The following SPRY3 variants were observed in gnomAD, a reference collection of about 807,000 sequenced individuals.
SPRY3 encodes sprouty RTK signaling antagonist 3.
SPRY3 carries 15 observed loss-of-function variants against 20.2 expected under a neutral mutation model. That is an observed-to-expected ratio of 0.74 (90% CI 0.50 to 1.14). The LOEUF (loss-of-function observed/expected upper bound fraction) is 1.14. SPRY3 is among the 50% of genes most tolerant of loss of function. The pLI is 0.00. For missense variants in SPRY3, 364 were observed against 363.9 expected (o/e 1.00, Z 0.00); for synonymous variants, 143 against 136.5 (o/e 1.05, Z -0.33).
chrX:155,757,028 T>C (rs2091286077), intron 2 of SPRY3, among the ~76,000 whole-genome samples: 1 of 152,172 alleles, frequency 6.6e-6, no homozygotes, highest in South Asian at 2.1e-4. Flanking sequence ...GAATATATAC[T>C]CTACAGGGCA....
rs5940409 is a variant in SPRY3, at chrX:155,754,740, T to C, written c.-281-13222T>C. ...TCTACGAATATGGAGTGTCTTTCCATTTATATAGGTCTGCTTTAACTTCTT... is the reference window on the plus strand; with the variant it reads ...TCTACGAATATGGAGTGTCTTTCCACTTATATAGGTCTGCTTTAACTTCTT... On this transcript the variant is annotated intron_variant, in intron 2 of 3. Coordinates refer to ENST00000675360, the Ensembl canonical transcript of SPRY3. Among the ~76,000 whole-genome samples the C allele has an allele frequency of 8.1e-3, 1,236 of 152,130 alleles. 10 individuals are homozygous for C. The highest frequency in any genetic ancestry group is 0.015 in the South Asian group (73 of 4,808).
chrX:155,752,532 TA>T (rs1401421648), intron 2 of SPRY3, among the ~76,000 whole-genome samples: 1 of 151,598 alleles, frequency 6.6e-6, no homozygotes, highest in Admixed American at 6.6e-5. Flanking sequence ...TATATATAAC[TA>T]TTGATATTTA....
intron 2 of SPRY3, among the ~76,000 whole-genome samples, chrX:155,726,006 CTGGTA>C (rs1294441221): frequency 6.6e-6 from 1 of 152,106 alleles, no homozygotes; most frequent in Non-Finnish European, 1.5e-5. Flanking sequence ...CCCAGAGATT[CTGGTA>C]TGTTGTGTCT....
downstream of SPRY3, chrX:155,781,177 C>T: frequency 1.8e-5 from 3 of 166,952 alleles, no homozygotes. Context: ...TAGAATATGC[C>T]ACTAACACTA....
chrX:155,731,462 G>A (rs933274610), intron 2 of SPRY3, among the ~76,000 whole-genome samples: 1 of 152,008 alleles, frequency 6.6e-6, no homozygotes, highest in Non-Finnish European at 1.5e-5. Context: ...TCTACATGCA[G>A]AATGAAACTA....
chrX:155,763,914 C>T (rs1050232334), intron 2 of SPRY3, among the ~76,000 whole-genome samples: 4 of 152,062 alleles, frequency 2.6e-5, no homozygotes, highest in African/African-American at 7.2e-5. Flanking sequence ...TCTGAACAAC[C>T]GGTTACTACA....
At chrX:155,718,947 C>T (rs1236638107) in intron 2 of SPRY3, among the ~76,000 whole-genome samples, 1 of 151,998 alleles carries the variant, frequency 6.6e-6, no homozygotes, top group Non-Finnish European at 1.5e-5. Context: ...ATTCACCCCA[C>T]AAGGACACCA....
chrX:155,704,761 C>T (rs993615050), intron 2 of SPRY3, among the ~76,000 whole-genome samples: 3 of 151,346 alleles, frequency 2.0e-5, no homozygotes, highest in African/African-American at 7.3e-5. Context: ...AGAGAAAATC[C>T]TGAAGTCAGA....
exon 4 of SPRY3, chrX:155,776,090 T>A (rs2091423682): frequency 6.0e-6 from 1 of 167,106 alleles, no homozygotes; most frequent in Admixed American, 6.5e-5. Flanking sequence ...GACTTTTTCC[T>A]AGGGCTCTAT....
Position 155,691,166 on chromosome X carries a change from T to G in SPRY3, c.-282+34141T>G, listed in dbSNP as rs1221304946. On this transcript the variant is annotated intron_variant, in intron 2 of 3. Coordinates refer to ENST00000675360, the Ensembl canonical transcript of SPRY3. ...CTGTGCTTGTTTGCCCCAAGAATACTCATCAGTGGCACTTGCAGCTGCAGC... is the reference window on the plus strand; with the variant it reads ...CTGTGCTTGTTTGCCCCAAGAATACGCATCAGTGGCACTTGCAGCTGCAGC... Among the ~76,000 whole-genome samples, 9 of 87,645 alleles carry G rather than the reference T, an allele frequency of 1.0e-4. 2 individuals carry two copies. The highest frequency in any genetic ancestry group is 4.9e-4 in the African/African-American group (9 of 18,251). 76.1% of individuals were successfully genotyped at this position (87,645 alleles called of 115,157 possible).
chrX:155,774,733 G>T (rs770081859), exon 4 of SPRY3: 1 of 1,609,130 alleles, frequency 6.2e-7, no homozygotes, highest in East Asian at 2.2e-5. Flanking sequence ...GGAAAAGTCT[G>T]TATGACCTTC....
chrX:155,673,496 C>T (rs1015272266), intron 2 of SPRY3, among the ~76,000 whole-genome samples: 2 of 111,614 alleles, frequency 1.8e-5, no homozygotes, highest in Non-Finnish European at 3.8e-5. Flanking sequence ...AGATTTCTGG[C>T]TGAAGTTTGT....
At chrX:155,622,927 T>C in intron 1 of SPRY3, among the ~76,000 whole-genome samples, 1 of 112,156 alleles carries the variant, frequency 8.9e-6, no homozygotes, top group South Asian at 3.7e-4. Context: ...TATTGCATTT[T>C]TCATCATATA....
intron 1 of SPRY3, among the ~76,000 whole-genome samples, chrX:155,624,929 A>C (rs2067883490): frequency 9.0e-6 from 1 of 111,699 alleles, no homozygotes; most frequent in African/African-American, 3.2e-5. Flanking sequence ...GTTACATTCT[A>C]GTACAAACGT....
chrX:155,782,142 C>A (rs770420194), exon 2 of SPRY3: 22 of 167,078 alleles, frequency 1.3e-4, no homozygotes, highest in African/African-American at 5.3e-4. Context: ...AAAGGCATTA[C>A]CCATGGAAAG....
intron 2 of SPRY3, among the ~76,000 whole-genome samples, chrX:155,752,637 T>C (rs1335750505): frequency 1.3e-5 from 2 of 151,814 alleles, no homozygotes; most frequent in Non-Finnish European, 2.9e-5. Flanking sequence ...ATGAGACATA[T>C]AAATAGCCAA....
exon 4 of SPRY3, chrX:155,775,488 T>C (rs1226843576): frequency 6.0e-6 from 1 of 167,148 alleles, no homozygotes; most frequent in Non-Finnish European, 1.5e-5. Flanking sequence ...TGCTATACTA[T>C]TTACTAATTT....
At chrX:155,746,991 G>C (rs1479838579) in intron 2 of SPRY3, among the ~76,000 whole-genome samples, 1 of 151,624 alleles carries the variant, frequency 6.6e-6, no homozygotes, top group Non-Finnish European at 1.5e-5. Flanking sequence ...TGTGGATCTG[G>C]GACCACATGC....
chrX:155,763,999 A>G (rs1475107841), intron 2 of SPRY3, among the ~76,000 whole-genome samples: 1 of 152,222 alleles, frequency 6.6e-6, no homozygotes, highest in Non-Finnish European at 1.5e-5. Flanking sequence ...AGTAAAGAAG[A>G]TATTTCCAAG....
Sources: allele counts gnomAD v4.1 joint callset (sites outside exome capture counted in the v4.1 genomes callset), GRCh38; gene constraint gnomAD v4.1.1; transcripts MANE v1.5; gene names NCBI Gene and HGNC (gene_info 2026-07-23, HGNC 2026-07-21).